The following PFKFB3 variants were observed in gnomAD, a reference collection of about 807,000 sequenced individuals.
PFKFB3 encodes 6-phosphofructo-2-kinase/fructose-2,6-biphosphatase 3, also known as 6-phosphofructo-2-kinase/fructose-2,6-bisphosphatase 3.
A neutral mutation model predicts 68.0 loss-of-function variants in PFKFB3; 33 were observed. The observed-to-expected ratio is 0.49, with a 90% CI of 0.37 to 0.65. The LOEUF is 0.65. PFKFB3 is among the 30% of genes least tolerant of loss of function. PFKFB3 has a pLI of 0.00. For missense variants in PFKFB3, 586 were observed against 712.2 expected, an observed-to-expected ratio of 0.82 and a Z score of 2.02; for synonymous variants, 315 against 288.2, an observed-to-expected ratio of 1.09 and a Z score of -0.94.
At chr10:6,160,515 C>T (rs758629674) in intron 1 of PFKFB3, among the ~76,000 whole-genome samples, 2 of 152,034 alleles carry the variant, frequency 1.3e-5, no homozygotes, top group Non-Finnish European at 1.5e-5. Flanking sequence ...GTCAGGAGTT[C>T]GAGACCAGCC....
chr10:6,158,513 G>A (rs1013773203), intron 1 of PFKFB3, among the ~76,000 whole-genome samples: 2 of 152,142 alleles, frequency 1.3e-5, no homozygotes, highest in Non-Finnish European at 2.9e-5. Context: ...CTGGTGGGCC[G>A]ATAAGTGGTA....
In PFKFB3 at chr10:6,248,363, G is replaced by A. The variant is rs148387042; in HGVS notation, c.1516-5815G>A. Among the ~76,000 whole-genome samples the A allele has an allele frequency of 3.3e-4, 51 of 152,276 alleles. No individual in the cohort carries two copies. In the East Asian group the frequency reaches 9.4e-3, roughly 28 times the overall value. ...ATCTGATTAAAAAATGTTCAAGGAT[G>A]CCTGTAATCCCAGCACTTTGGGAGG... On this transcript the variant is annotated intron_variant, in intron 14 of 14. Transcript: ENST00000640683.
the PFKFB3 span, among the ~76,000 whole-genome samples, chr10:6,262,196 T>G: frequency 6.6e-6 from 1 of 151,974 alleles, no homozygotes; most frequent in Non-Finnish European, 1.5e-5. Flanking sequence ...GGCTCACGCC[T>G]GTAGTCCCAG....
In PFKFB3 at chr10:6,179,323, A is replaced by G. The variant is rs140384828; in HGVS notation, c.17-34300A>G. Among the ~76,000 whole-genome samples the G allele has an allele frequency of 1.1e-4, 17 of 152,364 alleles. No homozygotes were observed. The East Asian group carries it at 3.3e-3, about 29-fold the overall frequency. On this transcript the variant is annotated intron_variant, in intron 1 of 14. Coordinates refer to the PFKFB3 transcript ENST00000379789. Reference sequence around the variant, plus strand: ...TGAGGGCGAAGCCGACAAGAGCCCAAACTCATCTGCGCTGCGCTGCTTTTG... The same window carrying G: ...TGAGGGCGAAGCCGACAAGAGCCCAGACTCATCTGCGCTGCGCTGCTTTTG...
At chr10:6,277,707 C>A in the PFKFB3 span, 2 of 377,188 alleles carry the variant, frequency 5.3e-6, no homozygotes, top group East Asian at 8.9e-5. Flanking sequence ...TTCCTGAGGC[C>A]TCCCTAGAAG....
intron 14 of PFKFB3, among the ~76,000 whole-genome samples, chr10:6,248,671 A>T (rs1055084492): frequency 1.3e-5 from 2 of 150,628 alleles, no homozygotes; most frequent in African/African-American, 4.9e-5. Flanking sequence ...ATCTGAATAG[A>T]TGTTTCTCAA....
At chr10:6,238,017 A>G (rs541029451), downstream of PFKFB3, among the ~76,000 whole-genome samples, 1 of 152,046 alleles carries the variant, frequency 6.6e-6, no homozygotes, top group Admixed American at 6.6e-5. Context: ...TTCAACCTAC[A>G]GTTTCTGACA....
At chr10:6,213,851 C>A in intron 2 of PFKFB3, 103 bp downstream of exon 2, 1 of 1,305,336 alleles carries the variant, frequency 7.7e-7, no homozygotes, top group Non-Finnish European at 1.1e-6. Flanking sequence ...CGCCTCTGTC[C>A]CCTGGTCGGG....
chr10:6,182,884 C>T (rs965796491), intron 1 of PFKFB3, among the ~76,000 whole-genome samples: 5 of 152,200 alleles, frequency 3.3e-5, no homozygotes, highest in African/African-American at 7.2e-5. Context: ...CTTCCCAGCC[C>T]CCCAGGGTCT....
chr10:6,251,498 T>C (rs933144345), intron 14 of PFKFB3, among the ~76,000 whole-genome samples: 2 of 152,242 alleles, frequency 1.3e-5, no homozygotes, highest in Non-Finnish European at 2.9e-5. Flanking sequence ...ACCTTGTACA[T>C]TTCAGTTGGA....
the PFKFB3 span, among the ~76,000 whole-genome samples, chr10:6,267,677 G>A: frequency 0.027 from 4,109 of 152,102 alleles, 191 homozygotes; most frequent in African/African-American, 0.094. Context: ...ATTACTGGCC[G>A]GGTGCAGTGG....
chr10:6,300,690 T>A, the PFKFB3 span, among the ~76,000 whole-genome samples: 2 of 152,154 alleles, frequency 1.3e-5, no homozygotes, highest in African/African-American at 4.8e-5. Context: ...CCAGAAGCCC[T>A]TGCCTTAGCA....
At chr10:6,205,738 G>A (rs1843638373) in intron 1 of PFKFB3, among the ~76,000 whole-genome samples, 1 of 151,844 alleles carries the variant, frequency 6.6e-6, no homozygotes. Flanking sequence ...TTTATAAGTG[G>A]CCTTCTCATT....
chr10:6,175,465 G>A (rs977839067), intron 1 of PFKFB3, among the ~76,000 whole-genome samples: 4 of 152,200 alleles, frequency 2.6e-5, no homozygotes, highest in Admixed American at 6.5e-5. Context: ...TGTCATCCCC[G>A]TATGACAGAT....
At chr10:6,245,528 G>C (rs7906185) in intron 14 of PFKFB3, among the ~76,000 whole-genome samples, 109,034 of 151,366 alleles carry the variant, frequency 0.72, 39,430 homozygotes, top group Admixed American at 0.74. Flanking sequence ...GGGATCCTCC[G>C]TCCTCAGCCT....
In PFKFB3 at chr10:6,219,550, C is replaced by T. The variant is rs779419184; in HGVS notation, c.499-19C>T. The stretch of plus-strand genomic sequence containing the variant: ...GCCTTCCAGCGTGATTTATCAGCCA[C>T]CCCTTTGTGGTGTTGCAGGAAGTTA... On this transcript the variant is annotated intron_variant, in intron 6 of 14. Transcript: ENST00000379775. 12 of 1,613,816 alleles carry T rather than the reference C, an allele frequency of 7.4e-6. No homozygotes were observed. The South Asian group carries it at 1.2e-4, about 16-fold the overall frequency.
chr10:6,261,149 T>A, the PFKFB3 span, among the ~76,000 whole-genome samples: 1 of 152,386 alleles, frequency 6.6e-6, no homozygotes, highest in Non-Finnish European at 1.5e-5. Flanking sequence ...CAAACGAGGT[T>A]GTCTTTTCAT....
chr10:6,301,633 T>C, the PFKFB3 span, among the ~76,000 whole-genome samples: 1 of 152,166 alleles, frequency 6.6e-6, no homozygotes. Context: ...CTGATGGATG[T>C]AACTGATGAC....
intron 14 of PFKFB3, among the ~76,000 whole-genome samples, chr10:6,250,292 G>T (rs965826555): frequency 6.6e-6 from 1 of 152,102 alleles, no homozygotes; most frequent in Non-Finnish European, 1.5e-5. Flanking sequence ...TCGGCCAGGC[G>T]CAGTGGCTTA....
Sources: allele counts gnomAD v4.1 joint callset (sites outside exome capture counted in the v4.1 genomes callset), GRCh38; gene constraint gnomAD v4.1.1; transcripts MANE v1.5; gene names NCBI Gene and HGNC (gene_info 2026-07-23, HGNC 2026-07-21).